The following NELFE variants were observed in gnomAD, a reference collection of about 807,000 sequenced individuals.
NELFE encodes negative elongation factor E.
A neutral mutation model predicts 55.5 loss-of-function variants in NELFE; 26 were observed. That is an observed-to-expected ratio of 0.47 (90% CI 0.34 to 0.65). The LOEUF (loss-of-function observed/expected upper bound fraction) is 0.65, where lower values mean the gene tolerates loss of function less well. Ranked by LOEUF, NELFE falls within the 30% of genes least tolerant of loss-of-function variation. NELFE has a pLI of 0.01. For missense variants in NELFE, 403 were observed against 506.9 expected (o/e 0.80, Z 1.97); for synonymous variants, 162 against 178.0 (o/e 0.91, Z 0.72).
chr6:31,957,451 C>T (rs1385794308), intron 2 of NELFE: 1 of 464,366 alleles, frequency 2.2e-6, no homozygotes, highest in East Asian at 6.7e-5. Flanking sequence ...AAATAAAATA[C>T]ATTGAGTTAG....
rs1279651616 is a variant in NELFE, at chr6:31,956,697, A to G, written c.287T>C (p.Leu96Ser). Residue 96 changes from leucine (L) to serine (S), a missense_variant, in exon 4 of 11, where the codon TTA becomes TCA. Around this residue, in one of 3 missense-constraint regions of NELFE, gnomAD observed 97 missense variants for 155.3 expected, o/e 0.62. Coordinates refer to ENST00000375429, the MANE Select transcript of NELFE (RefSeq NM_002904.6). ...AATCTTTCTGCTTGTGCTCACCTTT[A>G]ACTTCCCCTCAAGGGTTCGAGAACG... ...FKRSRTLEGK[L>S]KDPEKGPVPT... 1.2e-6 allele frequency: 2 copies of G among 1,601,292 alleles called. No individual in the cohort carries two copies. The highest frequency in any genetic ancestry group is 1.7e-6 in the Non-Finnish European group (2 of 1,170,434).
chr6:31,958,204 G>C, intron 2 of NELFE, 168 bp downstream of exon 2: 1 of 648,672 alleles, frequency 1.5e-6, no homozygotes, highest in Non-Finnish European at 2.8e-6. Flanking sequence ...AAAGACAGAA[G>C]GTCCACACCA....
chr6:31,953,035 C>T (rs1358033987), intron 10 of NELFE, among the ~76,000 whole-genome samples: 1 of 152,238 alleles, frequency 6.6e-6, no homozygotes, highest in African/African-American at 2.4e-5. Flanking sequence ...TCACCCACTC[C>T]CATCCTGTGA....
intron 4 of NELFE, among the ~76,000 whole-genome samples, chr6:31,956,423 A>T (rs970341983): frequency 6.6e-6 from 1 of 152,190 alleles, no homozygotes; most frequent in Non-Finnish European, 1.5e-5. Context: ...AGTTTATTTG[A>T]ACCTCTCTTG....
Position 31,954,568 on chromosome 6 carries a change from C to T in NELFE, c.729G>A (p.Glu243=), listed in dbSNP as rs1324535329. 1.2e-6 allele frequency: 2 copies of T among 1,607,654 alleles called. No homozygotes were observed. Among genetic ancestry groups the T allele is most frequent in the South Asian group, 1.1e-5 (1 of 89,808 alleles). Residue 243 remains glutamate (E), a synonymous_variant, in exon 7 of 11, where the codon GAG becomes GAA. Transcript: ENST00000375429. The surrounding 1 kb of genome is among the most constrained non-coding windows in gnomAD (Gnocchi z 5.5). ...AAAATCACTCACTGCGGAAAGGACC[C>T]TCTCGGTCTCGGTCTCGATCCCGCT... The part of the protein sequence containing the change: ...DRERDRDRDR[E]GPFRRSDSFP...
At chr6:31,956,640 T>G in intron 4 of NELFE, 53 bp downstream of exon 4, 1 of 1,549,078 alleles carries the variant, frequency 6.5e-7, no homozygotes, top group South Asian at 1.2e-5. Context: ...CAAACCCATC[T>G]ACATTCCAAC....
chr6:31,955,143 A>G, intron 5 of NELFE, 47 bp from the exon 6 acceptor site: 3 of 1,612,620 alleles, frequency 1.9e-6, no homozygotes, highest in Non-Finnish European at 2.5e-6. Context: ...AGTTGCTGAC[A>G]TGTGGTCCAA....
chr6:31,957,305 T>G, intron 2 of NELFE: 1 of 612,868 alleles, frequency 1.6e-6, no homozygotes, highest in Non-Finnish European at 3.0e-6. Context: ...CAAGTAAGTA[T>G]AAGTTTATGT....
Position 31,952,323 on chromosome 6 carries a change from T to C in NELFE, c.1121A>G (p.Glu374Gly), listed in dbSNP as rs1771823551. The change falls in exon 11 of 11, where the codon GAA (glutamate) becomes GGA (glycine). Residue 374 changes from glutamate to glycine, a missense_variant. Glu to Gly is a moderately conservative substitution (Grantham distance 98). This residue lies in a region of NELFE where 77 missense variants were observed against 123.3 expected (regional missense o/e 0.62). Transcript: ENST00000375429. ...TCCCTAGAAGCCATCCACAAGGTTT[T>C]CCTTGTAGACGTCATCACTGTAGAC... ...QIVYSDDVYK[E>G]NLVDGF is the part of the protein sequence containing the mutation. 1.2e-6 allele frequency: 2 copies of C among 1,613,702 alleles called. No homozygotes were observed. Among genetic ancestry groups the C allele is most frequent in the Non-Finnish European group, 8.5e-7 (1 of 1,179,728 alleles).
At chr6:31,955,918 C>T (rs1263625555) in intron 4 of NELFE, among the ~76,000 whole-genome samples, 6 of 151,534 alleles carry the variant, frequency 4.0e-5, no homozygotes, top group African/African-American at 1.5e-4. Flanking sequence ...TATAAGTGTG[C>T]ACCACCACAT....
At chr6:31,953,932 G>A (rs763611300) in intron 9 of NELFE, 101 bp from the exon 10 acceptor site, 3 of 1,348,100 alleles carry the variant, frequency 2.2e-6, no homozygotes, top group Non-Finnish European at 3.2e-6. Flanking sequence ...GACTGAATAA[G>A]GAATCTGAGA....
intron 1 of NELFE, 25 bp from the exon 2 acceptor site, chr6:31,958,479 C>T (rs762388560): frequency 6.3e-7 from 1 of 1,595,624 alleles, no homozygotes; most frequent in African/African-American, 1.3e-5. Flanking sequence ...GGGCCCAAGA[C>T]ATCTTTCTCC....
rs753380221 is a variant in NELFE, at chr6:31,956,938, C to T, written c.145+3G>A. ...GTCCATCCCCATTTCCCCTGTCACT[C>T]ACAGCGTTTGACACCACCTTGGCTG... On this transcript the variant is annotated splice_donor_region_variant and intron_variant, in intron 3 of 10. Transcript: ENST00000375429. 4.3e-6 allele frequency: 7 copies of T among 1,611,506 alleles called. No homozygotes were observed. Among genetic ancestry groups the T allele is most frequent in the Non-Finnish European group, 5.1e-6 (6 of 1,178,786 alleles).
chr6:31,954,190 C>A lies in NELFE; in HGVS notation c.888-56G>T. 6.2e-7 allele frequency: 1 copy of A among 1,612,052 alleles called. No homozygotes were observed. Among genetic ancestry groups the A allele is most frequent in the Non-Finnish European group, 8.5e-7 (1 of 1,178,266 alleles). On this transcript the variant is annotated intron_variant, in intron 8 of 10. Coordinates refer to ENST00000375429, the MANE Select transcript of NELFE (RefSeq NM_002904.6). The surrounding 1 kb of genome is among the most constrained non-coding windows in gnomAD (Gnocchi z 5.5). ...AGCCAAGGGGCTCTTCTGGACCCAA[C>A]CAAACCCAGTGATAATAGGCGGCTG... is the stretch of plus-strand genomic sequence containing the variant.
At chr6:31,953,899 C>T in intron 9 of NELFE, 68 bp from the exon 10 acceptor site, 2 of 1,441,304 alleles carry the variant, frequency 1.4e-6, no homozygotes, top group East Asian at 2.3e-5. Context: ...GAAGTTATTC[C>T]AGGAGTTGCT....
At position 31,953,744 on chromosome 6, in the gene NELFE, CAG is replaced by C; in HGVS notation, c.1028_1029del (p.Ser343CysfsTer12). On this transcript the variant is annotated frameshift_variant, in exon 10 of 11. Transcript: ENST00000375429. LOFTEE classifies it high-confidence loss of function. ...CCATTCTTACCGAGGGAGCCCCAGA[CAG>C]ACTTGCCAGTAGCGGCATCCAGCAT... is the stretch of plus-strand genomic sequence containing the variant. Reference protein sequence around the residue: ...QPMLDAATGKSVWGSLAVQNS... With the variant: ...QPMLDAATGKXVWGSLAVQNS... The C allele has an allele frequency of 6.2e-7, 1 of 1,612,948 alleles. No homozygotes were observed. Among genetic ancestry groups the C allele is most frequent in the East Asian group, 2.2e-5 (1 of 44,880 alleles).
chr6:31,958,925 C>CCGGCCG lies in NELFE; in HGVS notation c.-48_-43dup, dbSNP rs1772274902. ...GCGGCAACCGGGGGCCCCACGGTCT[C>CCGGCCG]CGGCCGCGCCCGCGCTGGCCGCTGA... On this transcript the variant is annotated 5_prime_UTR_variant, in exon 1 of 11. Transcript: ENST00000375429. The CCGGCCG allele has an allele frequency of 3.4e-6, 2 of 594,608 alleles. No individual in the cohort carries two copies. Among genetic ancestry groups the CCGGCCG allele is most frequent in the African/African-American group, 3.7e-5 (2 of 53,676 alleles). 36.8% of individuals were successfully genotyped at this position (594,608 alleles called of 1,614,324 possible). A position where few individuals can be genotyped will look rare whatever the true frequency, so the allele number is the denominator to read the frequency against.
chr6:31,957,664 G>A (rs1645776466), intron 2 of NELFE, among the ~76,000 whole-genome samples: 1 of 152,262 alleles, frequency 6.6e-6, no homozygotes, highest in African/African-American at 2.4e-5. Context: ...GTAGTGAATA[G>A]TTCTACTTTA....
Position 31,954,308 on chromosome 6 carries a change from G to A in NELFE, c.877C>T (p.Pro293Ser). 1 of 1,610,142 alleles carries A rather than the reference G, an allele frequency of 6.2e-7. No homozygotes were observed. The highest frequency in any genetic ancestry group is 8.5e-7 in the Non-Finnish European group (1 of 1,178,344). Residue 293 changes from proline (P) to serine (S), a missense_variant, in exon 8 of 11, where the codon CCA becomes TCA. Pro to Ser is a moderately conservative substitution (Grantham distance 74, BLOSUM62 -1). This residue lies in a region of NELFE where 77 missense variants were observed against 123.3 expected (regional missense o/e 0.62). Transcript: ENST00000375429. This position sits in a 1 kb window ranked among gnomAD's most constrained non-coding sequence, Gnocchi z 5.5. ...TGTTGTCATCCTTACTTTCTGGGTG[G>A]GTCCATGGAGAGGTCAATGATGTTT... is the stretch of plus-strand genomic sequence containing the variant. ...FGNIIDLSMDPPRNCAFVTYE... is the reference protein window; with the variant it reads ...FGNIIDLSMDSPRNCAFVTYE...
Sources: gnomAD v4.1 joint callset for allele counts (sites outside exome capture counted in the v4.1 genomes callset) on GRCh38, gnomAD v4.1.1 for gene constraint, gnomAD v4.1.1 regional missense constraint, Gnocchi (gnomAD v3.1) non-coding constraint, MANE v1.5 for transcripts, NCBI Gene and HGNC (gene_info 2026-07-23, HGNC 2026-07-21) for gene names.